GLRA3: variants seen among roughly 807,000 people sequenced by gnomAD.
The protein encoded by GLRA3 is glycine receptor subunit alpha-3.
A neutral mutation model predicts 60.4 loss-of-function variants in GLRA3; 44 were observed. The ratio of observed to expected loss-of-function variants is 0.73; its 90% CI spans 0.57 to 0.94. The LOEUF (loss-of-function observed/expected upper bound fraction) is 0.94. Among genes scored for constraint, GLRA3 ranks in the 40% least tolerant of loss-of-function variants. The pLI is 0.00. For synonymous variants in GLRA3, 223 were observed against 192.9 expected (o/e 1.16, Z -1.29); for missense variants, 508 against 564.6 (o/e 0.90, Z 1.02).
chr4:174,788,586 G>T (rs1179998791), intron 2 of GLRA3, among the ~76,000 whole-genome samples: 9 of 53,466 alleles, frequency 1.7e-4, no homozygotes, highest in Admixed American at 2.5e-4. Context: ...AACAGTTAGA[G>T]AAGTAAAAAA....
intron 3 of GLRA3, among the ~76,000 whole-genome samples, chr4:174,750,350 A>C (rs1737417743): frequency 6.6e-6 from 1 of 152,130 alleles, no homozygotes; most frequent in African/African-American, 2.4e-5. Context: ...TGGGCCTAGC[A>C]GGGGACTATG....
chr4:174,794,559 C>G (rs1286188540), intron 1 of GLRA3, among the ~76,000 whole-genome samples: 2 of 152,048 alleles, frequency 1.3e-5, no homozygotes, highest in South Asian at 4.1e-4. Flanking sequence ...TATTTCAAAC[C>G]CTATTAACAA....
chr4:174,676,984 C>G, intron 7 of GLRA3, 94 bp downstream of exon 7: 1 of 708,024 alleles, frequency 1.4e-6, no homozygotes, highest in Admixed American at 2.3e-5. Flanking sequence ...ATTGAAATGC[C>G]ATTGAAAAAT....
chr4:174,696,985 A>G (rs1160309577), intron 5 of GLRA3, among the ~76,000 whole-genome samples: 1 of 152,174 alleles, frequency 6.6e-6, no homozygotes, highest in East Asian at 1.9e-4. Context: ...TAGCACAAAC[A>G]TACCAGTTTT....
intron 1 of GLRA3, among the ~76,000 whole-genome samples, chr4:174,795,380 AC>A (rs1167705973): frequency 6.6e-6 from 1 of 152,100 alleles, no homozygotes; most frequent in African/African-American, 2.4e-5. Context: ...AATATATTTT[AC>A]CATAAATGTG....
At chr4:174,814,199 AG>A (rs1483504549) in intron 1 of GLRA3, among the ~76,000 whole-genome samples, 20 of 152,222 alleles carry the variant, frequency 1.3e-4, no homozygotes, top group African/African-American at 4.8e-4. Context: ...TTGCCTTCTT[AG>A]TACCTGAGTT....
intron 1 of GLRA3, among the ~76,000 whole-genome samples, chr4:174,823,080 A>G (rs1418523996): frequency 6.6e-6 from 1 of 152,156 alleles, no homozygotes; most frequent in Non-Finnish European, 1.5e-5. Context: ...CTCATTCCAT[A>G]TATACACTGT....
rs1300741682 is a variant in GLRA3 at position 174,678,052 on chromosome 4, T to A, written c.713-760A>T. 2.0e-5 allele frequency among the ~76,000 whole-genome samples: 3 copies of A among 152,192 alleles called. No individual in the cohort carries two copies. The East Asian group carries it at 5.8e-4, about 29-fold the overall frequency. On this transcript the variant is annotated intron_variant, in intron 6 of 9. Transcript: ENST00000274093. ...GTAAGTGCTAGAGGATAAACACAAT[T>A]GAACACGAATTATTCCTTGAATAAT...
At chr4:174,775,738 T>C (rs1233674908) in intron 2 of GLRA3, among the ~76,000 whole-genome samples, 3 of 152,226 alleles carry the variant, frequency 2.0e-5, no homozygotes, top group Non-Finnish European at 4.4e-5. Context: ...AATTGTTTTA[T>C]GTTAAACATG....
chr4:174,759,450 TAAAG>T (rs1737854641), intron 3 of GLRA3, among the ~76,000 whole-genome samples: 1 of 152,056 alleles, frequency 6.6e-6, no homozygotes, highest in African/African-American at 2.4e-5. Flanking sequence ...AATATTTAAA[TAAAG>T]AGAGTGATGC....
intron 7 of GLRA3, among the ~76,000 whole-genome samples, chr4:174,671,200 G>A (rs1733892014): frequency 6.6e-6 from 1 of 152,056 alleles, no homozygotes; most frequent in South Asian, 2.1e-4. Context: ...CTTGATTGAA[G>A]TAACATTAGT....
chr4:174,790,840 AAAAAAAGAAAG>A (rs1160738112), intron 1 of GLRA3, among the ~76,000 whole-genome samples: 1 of 148,234 alleles, frequency 6.7e-6, no homozygotes, highest in African/African-American at 2.5e-5. Context: ...AAAAAAAAAA[AAAAAAAGAAAG>A]AAATTAGCCG....
chr4:174,791,522 C>T (rs1579615499), intron 1 of GLRA3, among the ~76,000 whole-genome samples: 1 of 152,180 alleles, frequency 6.6e-6, no homozygotes, highest in Admixed American at 6.5e-5. Flanking sequence ...GCTTTTCAAC[C>T]CCAGAATTAC....
chr4:174,687,401 G>T (rs1734587535), intron 5 of GLRA3, among the ~76,000 whole-genome samples: 1 of 152,120 alleles, frequency 6.6e-6, no homozygotes, highest in African/African-American at 2.4e-5. Flanking sequence ...ATACTCAGCT[G>T]CAGGCTGTAA....
At chr4:174,666,760 TATA>T (rs1733689059) in intron 7 of GLRA3, among the ~76,000 whole-genome samples, 2 of 71,564 alleles carry the variant, frequency 2.8e-5, no homozygotes, top group African/African-American at 1.1e-4. Context: ...ATATATATAT[TATA>T]TATATATATA....
chr4:174,779,162 C>T (rs1738756108), intron 2 of GLRA3, among the ~76,000 whole-genome samples: 1 of 152,084 alleles, frequency 6.6e-6, no homozygotes, highest in Non-Finnish European at 1.5e-5. Flanking sequence ...GGTCCCTGAC[C>T]CCCAAGCAGC....
chr4:174,795,972 G>C (rs1739549580), intron 1 of GLRA3, among the ~76,000 whole-genome samples: 1 of 152,092 alleles, frequency 6.6e-6, no homozygotes, highest in Non-Finnish European at 1.5e-5. Flanking sequence ...ATTCTGAAAA[G>C]ATTAATATTT....
At chr4:174,749,691 C>A (rs1002654371) in intron 3 of GLRA3, among the ~76,000 whole-genome samples, 2 of 151,986 alleles carry the variant, frequency 1.3e-5, no homozygotes, top group African/African-American at 4.8e-5. Context: ...AAATTAAATT[C>A]TCATATTAAG....
chr4:174,759,596 C>G (rs971586940), intron 3 of GLRA3, among the ~76,000 whole-genome samples: 2 of 151,974 alleles, frequency 1.3e-5, no homozygotes, highest in African/African-American at 4.8e-5. Context: ...AGCCAATTCC[C>G]AAGAATACTA....
Sources: gnomAD v4.1 joint callset for allele counts (sites outside exome capture counted in the v4.1 genomes callset) on GRCh38, gnomAD v4.1.1 for gene constraint, MANE v1.5 for transcripts, NCBI Gene and HGNC (gene_info 2026-07-23, HGNC 2026-07-21) for gene names.